DYM: variants seen among roughly 807,000 people sequenced by gnomAD.
DYM encodes dyggve-Melchior-Clausen syndrome protein.
DYM carries 78 observed loss-of-function variants against 93.1 expected under a neutral mutation model. The ratio of observed to expected loss-of-function variants is 0.84; its 90% CI spans 0.70 to 1.01. The LOEUF is 1.01. DYM is among the 50% of genes least tolerant of loss of function. The pLI, the probability that DYM is intolerant of heterozygous loss-of-function variation, is 0.00. For synonymous variants in DYM, 321 were observed against 319.7 expected (o/e 1.00, Z -0.04); for missense variants, 789 against 845.0 (o/e 0.93, Z 0.82).
At chr18:49,085,865 A>G (rs2078478377) in intron 17 of DYM, among the ~76,000 whole-genome samples, 1 of 152,154 alleles carries the variant, frequency 6.6e-6, no homozygotes, top group African/African-American at 2.4e-5. Flanking sequence ...TTGGCCTCCC[A>G]AAGTGCTGGG....
At chr18:49,217,510 C>T (rs1015661229) in intron 13 of DYM, among the ~76,000 whole-genome samples, 24 of 152,038 alleles carry the variant, frequency 1.6e-4, no homozygotes, top group South Asian at 4.1e-4. Flanking sequence ...GAGAGAAAGG[C>T]CGGGTTACCC....
intron 1 of DYM, among the ~76,000 whole-genome samples, chr18:49,432,308 G>A (rs2080396865): frequency 7.0e-6 from 1 of 142,362 alleles, no homozygotes; most frequent in Non-Finnish European, 1.5e-5. Context: ...TCCAGCCTGG[G>A]CGACAAGAGC....
chr18:49,111,243 C>A (rs538322035), intron 16 of DYM, among the ~76,000 whole-genome samples: 1 of 151,934 alleles, frequency 6.6e-6, no homozygotes, highest in Non-Finnish European at 1.5e-5. Context: ...ACGTATTTCA[C>A]AGGCTGTACA....
chr18:49,117,376 A>C (rs1237543507), intron 16 of DYM, among the ~76,000 whole-genome samples: 1 of 152,222 alleles, frequency 6.6e-6, no homozygotes, highest in Non-Finnish European at 1.5e-5. Flanking sequence ...ATGGATTTGC[A>C]ACAGTATACT....
In DYM at chr18:49,079,505, A is replaced by T. The variant is rs554760938; in HGVS notation, c.2025+17897T>A. On this transcript the variant is annotated intron_variant, in intron 17 of 17. Transcript: ENST00000675505. ...TAGTGGAGGGAAGGTGGGCAGATAA[A>T]CAAGTGAACAAAGGTCTCTGGTTTT... Among the ~76,000 whole-genome samples, 28 of 152,132 alleles carry T rather than the reference A, an allele frequency of 1.8e-4. No homozygotes were observed. The East Asian group carries it at 5.4e-3, about 30-fold the overall frequency.
At position 49,140,669 on chromosome 18, in the gene DYM, T is replaced by C. The variant is rs566485315; in HGVS notation, c.1729-21743A>G. ...TTTAAACAAGTTTATCTATTATCATTAGACTCCACAAGAACTTCATAAAGT... is the reference window on the plus strand; with the variant it reads ...TTTAAACAAGTTTATCTATTATCATCAGACTCCACAAGAACTTCATAAAGT... On this transcript the variant is annotated intron_variant, in intron 15 of 17. Coordinates refer to ENST00000675505, the MANE Select transcript of DYM (RefSeq NM_001353214.3). Among the ~76,000 whole-genome samples, 30 of 152,332 alleles carry C rather than the reference T, an allele frequency of 2.0e-4. No individual in the cohort carries two copies. The South Asian group carries it at 3.3e-3, about 17-fold the overall frequency.
rs1160662107 is a variant in DYM, at chr18:49,218,265, G to A, written c.1461-8550C>T. Among the ~76,000 whole-genome samples the A allele has an allele frequency of 3.9e-5, 6 of 152,144 alleles. 1 individual carries two copies. The South Asian group carries it at 8.3e-4, about 21-fold the overall frequency. On this transcript the variant is annotated intron_variant, in intron 13 of 17. Transcript: ENST00000675505. The stretch of plus-strand genomic sequence containing the variant: ...CCCAGATTCATAAAGCAAGTCCTGA[G>A]GGACCTACAAAGAGACTTAGACTCC...
At chr18:49,138,840 T>A (rs952347421) in intron 15 of DYM, among the ~76,000 whole-genome samples, 3 of 152,138 alleles carry the variant, frequency 2.0e-5, no homozygotes, top group Non-Finnish European at 4.4e-5. Context: ...ACAGGAAGTG[T>A]CCGATTTAAG....
chr18:49,279,042 T>G (rs552080696), intron 10 of DYM, among the ~76,000 whole-genome samples: 1 of 152,164 alleles, frequency 6.6e-6, no homozygotes, highest in Non-Finnish European at 1.5e-5. Flanking sequence ...TTCTTAATAT[T>G]TAGGCACTTG....
At position 49,430,755 on chromosome 18, in the gene DYM, C is replaced by T. The variant is rs76970537; in HGVS notation, c.-53-308G>A. 0.091 allele frequency among the ~76,000 whole-genome samples: 13,811 copies of T among 151,894 alleles called. 841 individuals are homozygous for T. The highest frequency in any genetic ancestry group is 0.31 in the East Asian group (1,571 of 5,126). ...CAAAACTTAGCTGGGCGTGGTGGCA[C>T]GCACCCGTAGTCCCAGCTACTCAAG... On this transcript the variant is annotated intron_variant, in intron 1 of 17. Transcript: ENST00000675505.
chr18:49,300,084 T>TAA (rs1555682629), intron 8 of DYM, among the ~76,000 whole-genome samples: 2 of 138,792 alleles, frequency 1.4e-5, no homozygotes, highest in African/African-American at 5.1e-5. Flanking sequence ...TATATATATA[T>TAA]AAATATATAT....
intron 15 of DYM, among the ~76,000 whole-genome samples, chr18:49,120,305 A>G (rs1433329162): frequency 1.3e-5 from 2 of 152,198 alleles, no homozygotes; most frequent in Non-Finnish European, 2.9e-5. Flanking sequence ...AGAGTGGATT[A>G]AAAGCACACC....
chr18:49,189,106 G>A (rs1202915135), intron 14 of DYM, among the ~76,000 whole-genome samples: 1 of 152,146 alleles, frequency 6.6e-6, no homozygotes, highest in African/African-American at 2.4e-5. Flanking sequence ...CAAACACTGG[G>A]TACACATGGA....
At chr18:49,134,556 G>C (rs1198960999) in intron 15 of DYM, among the ~76,000 whole-genome samples, 2 of 152,128 alleles carry the variant, frequency 1.3e-5, no homozygotes, top group African/African-American at 4.8e-5. Flanking sequence ...ATGGAAATAA[G>C]TGAATCTACC....
intron 2 of DYM, among the ~76,000 whole-genome samples, chr18:49,429,040 C>G (rs1247423734): frequency 8.5e-5 from 13 of 152,214 alleles, no homozygotes; most frequent in Admixed American, 8.5e-4. Flanking sequence ...TTTCCAAAGG[C>G]TCTAGAGGGA....
intron 14 of DYM, among the ~76,000 whole-genome samples, chr18:49,198,199 T>C (rs2091657451): frequency 6.6e-6 from 1 of 152,140 alleles, no homozygotes; most frequent in African/African-American, 2.4e-5. Context: ...TGAAACTGGA[T>C]CCCTTCCTTA....
intron 8 of DYM, among the ~76,000 whole-genome samples, chr18:49,308,166 C>T (rs980586957): frequency 1.3e-5 from 2 of 151,956 alleles, no homozygotes; most frequent in African/African-American, 4.8e-5. Flanking sequence ...AGACCAAAAA[C>T]AGCTATTTTT....
At chr18:49,185,579 A>G (rs1346312005) in intron 14 of DYM, among the ~76,000 whole-genome samples, 1 of 152,202 alleles carries the variant, frequency 6.6e-6, no homozygotes, top group East Asian at 1.9e-4. Context: ...CAGAAAGCTT[A>G]AAGTATTTAT....
chr18:49,357,902 C>T (rs2147269616), intron 6 of DYM, among the ~76,000 whole-genome samples: 1 of 152,300 alleles, frequency 6.6e-6, no homozygotes, highest in South Asian at 2.1e-4. Flanking sequence ...GTAATCCCAG[C>T]ACTTTAGGAG....
Sources: gnomAD v4.1 joint callset for allele counts (sites outside exome capture counted in the v4.1 genomes callset) on GRCh38, gnomAD v4.1.1 for gene constraint, MANE v1.5 for transcripts, NCBI Gene and HGNC (gene_info 2026-07-23, HGNC 2026-07-21) for gene names.